The following CAMKMT variants were observed in gnomAD, a reference collection of about 807,000 sequenced individuals.
CAMKMT encodes the protein CaM KMT.
Under a neutral mutation model 48.0 loss-of-function variants are expected in CAMKMT, and 53 were observed. That is an observed-to-expected ratio of 1.10 (90% confidence interval 0.89 to 1.39). The LOEUF (loss-of-function observed/expected upper bound fraction) is 1.39. CAMKMT is among the 40% of genes most tolerant of loss of function. The pLI is 0.00. For synonymous variants in CAMKMT, 165 were observed against 152.3 expected (o/e 1.08, Z -0.61); for missense variants, 428 against 402.7 (o/e 1.06, Z -0.54).
intron 3 of CAMKMT, among the ~76,000 whole-genome samples, chr2:44,520,090 G>T (rs1032325190): frequency 6.6e-6 from 1 of 151,854 alleles, no homozygotes; most frequent in Non-Finnish European, 1.5e-5. Context: ...GTGGTGGTGG[G>T]CACCTGTGGT....
intron 3 of CAMKMT, among the ~76,000 whole-genome samples, chr2:44,408,891 A>G (rs892345363): frequency 2.0e-5 from 3 of 151,500 alleles, no homozygotes; most frequent in Non-Finnish European, 4.4e-5. Flanking sequence ...ACAGGTGCAC[A>G]CCACCACACC....
At chr2:44,567,845 A>G (rs1668698556) in intron 3 of CAMKMT, among the ~76,000 whole-genome samples, 1 of 152,216 alleles carries the variant, frequency 6.6e-6, no homozygotes, top group African/African-American at 2.4e-5. Flanking sequence ...GTTAACAGTA[A>G]CTGCTCTCTT....
At chr2:44,374,753 A>T (rs1430876314) in intron 2 of CAMKMT, among the ~76,000 whole-genome samples, 1 of 152,226 alleles carries the variant, frequency 6.6e-6, no homozygotes, top group African/African-American at 2.4e-5. Flanking sequence ...ATAAATGTAT[A>T]TCTATACAAA....
chr2:44,582,247 G>C (rs1239783839), intron 3 of CAMKMT, among the ~76,000 whole-genome samples: 1 of 152,130 alleles, frequency 6.6e-6, no homozygotes, highest in Non-Finnish European at 1.5e-5. Flanking sequence ...ATACATATAT[G>C]TGAACTTGAC....
intron 3 of CAMKMT, among the ~76,000 whole-genome samples, chr2:44,404,729 A>G (rs529594215): frequency 6.6e-6 from 1 of 151,926 alleles, no homozygotes; most frequent in Non-Finnish European, 1.5e-5. Context: ...CTGTCTCGAT[A>G]TTGTTCCTTC....
intron 3 of CAMKMT, among the ~76,000 whole-genome samples, chr2:44,608,125 T>A (rs532472940): frequency 6.9e-6 from 1 of 144,834 alleles, no homozygotes; most frequent in South Asian, 2.2e-4. Flanking sequence ...CAGGCTGGAG[T>A]GCAGTGGCAG....
At chr2:44,591,933 AATC>A (rs1300957956) in intron 3 of CAMKMT, among the ~76,000 whole-genome samples, 1 of 152,116 alleles carries the variant, frequency 6.6e-6, no homozygotes, top group Non-Finnish European at 1.5e-5. Flanking sequence ...TGAAATTGGA[AATC>A]ATCATTCTCA....
intron 3 of CAMKMT, among the ~76,000 whole-genome samples, chr2:44,652,795 G>A (rs1234172128): frequency 1.3e-5 from 2 of 152,176 alleles, no homozygotes; most frequent in East Asian, 3.9e-4. Flanking sequence ...ACTAGACAAT[G>A]AGGAGCCCTG....
chr2:44,654,465 T>C (rs1375559912), intron 3 of CAMKMT, among the ~76,000 whole-genome samples: 4 of 152,198 alleles, frequency 2.6e-5, no homozygotes. Context: ...GTATGCCCTT[T>C]AGACCTTTTT....
intron 3 of CAMKMT, among the ~76,000 whole-genome samples, chr2:44,573,245 G>A (rs1212233378): frequency 6.6e-6 from 1 of 152,036 alleles, no homozygotes; most frequent in Non-Finnish European, 1.5e-5. Context: ...TTGGAGATAT[G>A]TCTATCCAAG....
chr2:44,769,127 TAA>T (rs200150530), intron 10 of CAMKMT, among the ~76,000 whole-genome samples: 45 of 133,932 alleles, frequency 3.4e-4, no homozygotes, highest in Admixed American at 4.5e-4. Context: ...TAGTGCAAGG[TAA>T]AAAAAAAAAA....
chr2:44,462,178 T>C (rs879499367), intron 3 of CAMKMT, among the ~76,000 whole-genome samples: 1 of 152,080 alleles, frequency 6.6e-6, no homozygotes, highest in Admixed American at 6.6e-5. Context: ...CTAAATATAA[T>C]ACACAGGACA....
At chr2:44,383,322 A>C (rs1033870276) in intron 2 of CAMKMT, among the ~76,000 whole-genome samples, 2 of 150,990 alleles carry the variant, frequency 1.3e-5, no homozygotes, top group African/African-American at 2.4e-5. Context: ...ATGCCACCAC[A>C]CCCGGCTAAT....
chr2:44,465,537 A>G (rs1184038644), intron 3 of CAMKMT, among the ~76,000 whole-genome samples: 1 of 148,166 alleles, frequency 6.7e-6, no homozygotes, highest in Non-Finnish European at 1.5e-5. Context: ...CAGAGGCTGC[A>G]GTGAGCCAAG....
intron 3 of CAMKMT, among the ~76,000 whole-genome samples, chr2:44,538,670 A>G (rs962556743): frequency 2.6e-5 from 4 of 152,116 alleles, no homozygotes; most frequent in South Asian, 4.1e-4. Context: ...ATTGGCCACA[A>G]TATATACTGC....
At chr2:44,644,866 A>G (rs1673646960) in intron 3 of CAMKMT, among the ~76,000 whole-genome samples, 1 of 152,146 alleles carries the variant, frequency 6.6e-6, no homozygotes, top group South Asian at 2.1e-4. Context: ...GTGGTTTCTT[A>G]TGATTTTTTT....
chr2:44,760,179 A>G (rs571720150), intron 9 of CAMKMT, among the ~76,000 whole-genome samples: 2 of 152,258 alleles, frequency 1.3e-5, no homozygotes, highest in African/African-American at 4.8e-5. Context: ...ACCAGGAGAA[A>G]GCACCAAGAG....
chr2:44,521,305 A>T (rs1671096620), intron 3 of CAMKMT, among the ~76,000 whole-genome samples: 2 of 151,964 alleles, frequency 1.3e-5, no homozygotes, highest in South Asian at 4.2e-4. Flanking sequence ...TAATAGACAG[A>T]GTCTTGCTCT....
chr2:44,551,310 A>T (rs997937038), intron 3 of CAMKMT, among the ~76,000 whole-genome samples: 4 of 151,928 alleles, frequency 2.6e-5, no homozygotes, highest in African/African-American at 9.7e-5. Flanking sequence ...GAGCATGAAG[A>T]CTCTAAATTC....
Sources: gnomAD v4.1 joint callset for allele counts (sites outside exome capture counted in the v4.1 genomes callset) on GRCh38, gnomAD v4.1.1 for gene constraint, MANE v1.5 for transcripts, NCBI Gene and HGNC (gene_info 2026-07-23, HGNC 2026-07-21) for gene names.